CARF: variants seen among roughly 807,000 people sequenced by gnomAD.
CARF encodes the protein calcium-responsive transcription factor.
Under a neutral mutation model 82.0 loss-of-function variants are expected in CARF, and 57 were observed. The observed-to-expected ratio is 0.70, with a 90% CI of 0.56 to 0.87. The LOEUF (loss-of-function observed/expected upper bound fraction) is 0.87. CARF is among the 40% of genes least tolerant of loss of function. CARF has a pLI of 0.00. For synonymous variants in CARF, 268 were observed against 290.1 expected (o/e 0.92, Z 0.77); for missense variants, 771 against 855.8 (o/e 0.90, Z 1.24).
At chr2:202,952,467 T>C (rs2058799855) in intron 5 of CARF, 92 bp from the exon 6 acceptor site, 3 of 1,150,900 alleles carry the variant, frequency 2.6e-6, no homozygotes. Flanking sequence ...ATCATAGAGC[T>C]AGGTATGTGT....
At chr2:202,918,436 G>A (rs1039309815) in intron 2 of CARF, among the ~76,000 whole-genome samples, 1 of 152,172 alleles carries the variant, frequency 6.6e-6, no homozygotes, top group East Asian at 1.9e-4. Flanking sequence ...CAGGAGAATG[G>A]TGTGAACCTG....
rs112766404 is a variant in CARF at position 202,960,778 on chromosome 2, C to T, written c.643-459C>T. Among the ~76,000 whole-genome samples the T allele has an allele frequency of 7.6e-3, 1,151 of 150,872 alleles. 9 individuals carry two copies. The highest frequency in any genetic ancestry group is 0.012 in the Non-Finnish European group (815 of 67,414). On this transcript the variant is annotated intron_variant, in intron 8 of 16. Coordinates refer to ENST00000438828, the MANE Select transcript of CARF (RefSeq NM_024744.17). ...CCTTCCCTCCTTCTCTCCTTCCCTC[C>T]TTCCCTCCCTCCCTCCTTCCTTCCC...
chr2:202,921,834 T>TC (rs1690853653), intron 2 of CARF, among the ~76,000 whole-genome samples: 2 of 152,106 alleles, frequency 1.3e-5, no homozygotes, highest in Non-Finnish European at 2.9e-5. Flanking sequence ...TTGAAAAATT[T>TC]TTTTTTCCTG....
intron 8 of CARF, among the ~76,000 whole-genome samples, chr2:202,959,734 G>A (rs895067769): frequency 5.9e-5 from 9 of 151,820 alleles, no homozygotes; most frequent in Middle Eastern, 3.4e-3. Flanking sequence ...ATCTGAACCC[G>A]GGAGATGAAG....
Position 202,971,653 on chromosome 2 carries a change from C to G in CARF, c.1246C>G (p.Arg416Gly), listed in dbSNP as rs770327379. 1.2e-6 allele frequency: 2 copies of G among 1,613,556 alleles called. No individual in the cohort carries two copies. The highest frequency in any genetic ancestry group is 3.3e-5 in the Admixed American group (2 of 60,008). The change falls in exon 12 of 17, where the codon CGT becomes GGT. Residue 416 changes from arginine (R) to glycine (G), a missense_variant. Transcript: ENST00000438828. ...AGATGAGAATTGTGCATTACCCTCACGTTTACATCCTCAAGTAGCACATAA... is the reference window on the plus strand; with the variant it reads ...AGATGAGAATTGTGCATTACCCTCAGGTTTACATCCTCAAGTAGCACATAA... The part of the protein sequence containing the change: ...VRDENCALPS[R>G]LHPQVAHKIQ...
Position 202,986,458 on chromosome 2 carries a change from A to C in CARF, c.*2834A>C, listed in dbSNP as rs2060430130. The C allele has an allele frequency of 6.6e-6, 1 of 152,066 alleles. No homozygotes were observed. The highest frequency in any genetic ancestry group is 1.5e-5 in the Non-Finnish European group (1 of 67,938). The allele number at this position is 152,066 out of a possible 1,614,324, so 9.4% of individuals were successfully genotyped here. On this transcript the variant is annotated 3_prime_UTR_variant, in exon 17 of 17. Coordinates refer to ENST00000438828, the MANE Select transcript of CARF (RefSeq NM_024744.17). Reference sequence around the variant, plus strand: ...CTGTAGGAGTGAGTTGGACATTCTAAATTAGCAGTAAAAAATTCACAATTA... The same window carrying C: ...CTGTAGGAGTGAGTTGGACATTCTACATTAGCAGTAAAAAATTCACAATTA...
At chr2:202,961,919 A>G (rs1462665615) in intron 9 of CARF, 1 of 159,230 alleles carries the variant, frequency 6.3e-6, no homozygotes, top group Non-Finnish European at 1.4e-5. Context: ...TGTTATATAC[A>G]GTATTCTCAG....
At chr2:202,980,359 G>C (rs922663190) in intron 14 of CARF, among the ~76,000 whole-genome samples, 20 of 151,846 alleles carry the variant, frequency 1.3e-4, no homozygotes, top group African/African-American at 4.6e-4. Context: ...GTTTAAATTT[G>C]AGATACTAAG....
At chr2:202,953,498 G>GTTGTTTT (rs772493519) in intron 6 of CARF, among the ~76,000 whole-genome samples, 11 of 70,292 alleles carry the variant, frequency 1.6e-4, no homozygotes, top group Non-Finnish European at 1.7e-4. Context: ...TTTTTTTGTT[G>GTTGTTTT]TTTTTTTTTT....
Position 202,974,475 on chromosome 2 carries a change from C to T in CARF, c.1473C>T (p.Asn491=). The T allele has an allele frequency of 6.2e-7, 1 of 1,600,014 alleles. No individual in the cohort carries two copies. Among genetic ancestry groups the T allele is most frequent in the South Asian group, 1.1e-5 (1 of 87,704 alleles). The stretch of plus-strand genomic sequence containing the variant: ...TGAGAAATGGAGATACGGTATATAA[C>T]TCAGAGATTATTCCAGCAACGGTAT... ...KSLRNGDTVY[N]SEIIPATLQW... Residue 491 remains asparagine (N), a synonymous_variant, in exon 13 of 17, where the codon AAC becomes AAT. Transcript: ENST00000438828.
At chr2:202,976,532 T>G (rs530160218) in intron 13 of CARF, among the ~76,000 whole-genome samples, 21 of 152,160 alleles carry the variant, frequency 1.4e-4, no homozygotes, top group Admixed American at 6.5e-4. Context: ...CTGTGAAAAT[T>G]TTGCCTACTC....
At chr2:202,980,164 C>T (rs115313334) in intron 14 of CARF, among the ~76,000 whole-genome samples, 2,604 of 152,150 alleles carry the variant, frequency 0.017, 71 homozygotes, top group East Asian at 0.09. Context: ...CACCGTGTTG[C>T]CCAGGCTGGT....
intron 9 of CARF, among the ~76,000 whole-genome samples, 177 bp from the exon 10 acceptor site, chr2:202,966,801 A>G (rs987254819): frequency 1.3e-5 from 2 of 152,226 alleles, no homozygotes; most frequent in African/African-American, 4.8e-5. Context: ...GGTAAATTTT[A>G]AAATAAACTT....
At chr2:202,954,568 C>T (rs919141079) in intron 7 of CARF, among the ~76,000 whole-genome samples, 8 of 151,432 alleles carry the variant, frequency 5.3e-5, no homozygotes, top group Admixed American at 2.6e-4. Flanking sequence ...CAAAAATTAG[C>T]TGGGTGTGGT....
Position 202,982,361 on chromosome 2 carries a change from T to C in CARF, c.1979T>C (p.Leu660Pro). 6.2e-7 allele frequency: 1 copy of C among 1,614,186 alleles called. No individual in the cohort carries two copies. Among genetic ancestry groups the C allele is most frequent in the Non-Finnish European group, 8.5e-7 (1 of 1,180,024 alleles). The change falls in exon 16 of 17, where the codon CTG (leucine) becomes CCG (proline). Residue 660 changes from leucine to proline, a missense_variant. Coordinates refer to ENST00000438828, the MANE Select transcript of CARF (RefSeq NM_024744.17). ...EVGDVEDTGNLEGTVHRILLG... is the reference protein window; with the variant it reads ...EVGDVEDTGNPEGTVHRILLG... ...GGAGATGTTGAGGATACAGGGAATC[T>C]GGAAGGAACTGTTCATCGGATTCTG...
intron 10 of CARF, among the ~76,000 whole-genome samples, chr2:202,967,815 G>A (rs923747968): frequency 2.0e-5 from 3 of 152,104 alleles, no homozygotes; most frequent in Admixed American, 6.5e-5. Context: ...TTTTTAGAGC[G>A]ATTTTATCAA....
chr2:202,932,898 G>C (rs1031660114), intron 3 of CARF, among the ~76,000 whole-genome samples: 1 of 152,094 alleles, frequency 6.6e-6, no homozygotes, highest in African/African-American at 2.4e-5. Context: ...GATACTGTCA[G>C]CTCAGCCCTG....
intron 3 of CARF, among the ~76,000 whole-genome samples, chr2:202,932,040 T>C (rs1193126655): frequency 6.6e-6 from 1 of 152,072 alleles, no homozygotes; most frequent in Non-Finnish European, 1.5e-5. Context: ...CCAGTCATGG[T>C]GGAAGGCAAA....
chr2:202,945,225 C>T (rs1466708167), intron 5 of CARF, among the ~76,000 whole-genome samples: 1 of 152,126 alleles, frequency 6.6e-6, no homozygotes, highest in Non-Finnish European at 1.5e-5. Flanking sequence ...TATATATATA[C>T]TTCCTGTACC....
Sources: allele counts gnomAD v4.1 joint callset (sites outside exome capture counted in the v4.1 genomes callset), GRCh38; gene constraint gnomAD v4.1.1; transcripts MANE v1.5; gene names NCBI Gene and HGNC (gene_info 2026-07-23, HGNC 2026-07-21).